Variants in TDRD1 observed in about 807,000 individuals in gnomAD.
TDRD1 encodes tudor domain-containing protein 1.
TDRD1 carries 37 observed loss-of-function variants against 140.6 expected under a neutral mutation model. The ratio of observed to expected loss-of-function variants is 0.26; its 90% CI spans 0.20 to 0.35. The LOEUF (loss-of-function observed/expected upper bound fraction) is 0.35. TDRD1 is among the 10% of genes least tolerant of loss of function. The probability of loss-of-function intolerance (pLI) is 1.00; values close to 1 mark genes in which losing one functional copy is unlikely to be tolerated. For synonymous variants in TDRD1, 506 were observed against 475.7 expected (o/e 1.06, Z -0.83); for missense variants, 1,243 against 1,393.0 (o/e 0.89, Z 1.71).
intron 21 of TDRD1, 148 bp downstream of exon 21, chr10:114,222,851 A>G (rs1158517549): frequency 5.4e-6 from 3 of 559,406 alleles, no homozygotes; most frequent in African/African-American, 1.9e-5. Context: ...GATTTAATTC[A>G]TATGTTGGTC....
chr10:114,193,507 C>T (rs1047170987), intron 3 of TDRD1, among the ~76,000 whole-genome samples: 2 of 151,916 alleles, frequency 1.3e-5, no homozygotes. Context: ...TTGATCAGGC[C>T]GGTCCCGAAC....
At chr10:114,227,716 G>A (rs1287160138) in intron 23 of TDRD1, among the ~76,000 whole-genome samples, 194 bp from the exon 24 acceptor site, 1 of 152,190 alleles carries the variant, frequency 6.6e-6, no homozygotes, top group African/African-American at 2.4e-5. Flanking sequence ...CAAAACCTTG[G>A]AGACATGGGT....
intron 10 of TDRD1, among the ~76,000 whole-genome samples, chr10:114,205,480 T>G (rs1193481740): frequency 6.6e-6 from 1 of 152,228 alleles, no homozygotes; most frequent in East Asian, 1.9e-4. Flanking sequence ...TTGCTATGTT[T>G]CATGTTACAA....
At chr10:114,229,886 A>G (rs746641198) in intron 25 of TDRD1, among the ~76,000 whole-genome samples, 125 of 150,480 alleles carry the variant, frequency 8.3e-4, no homozygotes, top group Non-Finnish European at 1.7e-3. Flanking sequence ...GCTGGAGTGC[A>G]GTGGCGCTAT....
intron 5 of TDRD1, 88 bp from the exon 6 acceptor site, chr10:114,202,150 T>C: frequency 9.8e-7 from 1 of 1,016,262 alleles, no homozygotes; most frequent in Non-Finnish European, 1.4e-6. Flanking sequence ...CAGGATTTTG[T>C]TCATTGAGAA....
chr10:114,199,919 T>G (rs2034617531), intron 4 of TDRD1, among the ~76,000 whole-genome samples: 1 of 152,256 alleles, frequency 6.6e-6, no homozygotes, highest in African/African-American at 2.4e-5. Context: ...TAAACATTTC[T>G]GTACAAGTGT....
chr10:114,221,962 G>A (rs777970093), intron 20 of TDRD1, among the ~76,000 whole-genome samples: 1 of 152,166 alleles, frequency 6.6e-6, no homozygotes, highest in African/African-American at 2.4e-5. Flanking sequence ...TCTCTTAAAT[G>A]TATATGACTT....
rs138005760 is a variant in TDRD1 at position 114,203,427 on chromosome 10, G to A, written c.841G>A (p.Val281Met). ...ATTCAAACACCCAGGGGACTTCTACGTGCAGTTATATTCTTCAGAAGTTTT... is the reference window on the plus strand; with the variant it reads ...ATTCAAACACCCAGGGGACTTCTACATGCAGTTATATTCTTCAGAAGTTTT... The change falls in exon 8 of 26, where the codon GTG (valine) becomes ATG (methionine). Residue 281 changes from valine (V) to methionine (M), a missense_variant. Val to Met is a conservative substitution (Grantham distance 21, BLOSUM62 1). Around this residue, in one of 5 missense-constraint regions of TDRD1, gnomAD observed 392 missense variants for 394.1 expected, o/e 0.99. Transcript: ENST00000251864. 79 of 1,612,732 alleles carry A rather than the reference G, an allele frequency of 4.9e-5. 1 individual carries two copies. In the South Asian group the frequency reaches 7.9e-4, roughly 16 times the overall value.
intron 21 of TDRD1, among the ~76,000 whole-genome samples, chr10:114,225,082 G>C (rs751023001): frequency 5.9e-5 from 9 of 152,130 alleles, no homozygotes; most frequent in Non-Finnish European, 1.0e-4. Flanking sequence ...CAGCTTGCCT[G>C]CCAGTGTTAA....
At chr10:114,177,115 C>T (rs886595428), upstream of TDRD1, among the ~76,000 whole-genome samples, 5 of 151,998 alleles carry the variant, frequency 3.3e-5, no homozygotes, top group Admixed American at 6.6e-5. Context: ...AATAAATATC[C>T]GAGTCCGTTA....
intron 16 of TDRD1, 53 bp from the exon 17 acceptor site, chr10:114,217,492 G>A (rs1241730503): frequency 2.0e-6 from 2 of 1,003,794 alleles, no homozygotes; most frequent in Non-Finnish European, 3.0e-6. Context: ...GAAAATCTGT[G>A]TTGTTTATTT....
chr10:114,216,114 C>T (rs1355113888), intron 16 of TDRD1, among the ~76,000 whole-genome samples: 1 of 152,208 alleles, frequency 6.6e-6, no homozygotes, highest in Non-Finnish European at 1.5e-5. Context: ...ACACCTCACC[C>T]AGCTTCTCCT....
exon 2 of TDRD1, chr10:114,188,151 C>T (rs377374397): frequency 6.4e-7 from 1 of 1,570,632 alleles, no homozygotes; most frequent in Admixed American, 2.0e-5. Flanking sequence ...AAAAAATTGC[C>T]AGCAGGTGAG....
chr10:114,226,280 C>A, intron 22 of TDRD1, 64 bp downstream of exon 22: 1 of 1,193,096 alleles, frequency 8.4e-7, no homozygotes, highest in Non-Finnish European at 1.2e-6. Context: ...CTTTATGTTT[C>A]ATAGCTCTAA....
intron 25 of TDRD1, among the ~76,000 whole-genome samples, chr10:114,229,231 T>G (rs76016972): frequency 0.011 from 1,619 of 152,320 alleles, 20 homozygotes; most frequent in African/African-American, 0.037. Context: ...GTTAACAAAT[T>G]TATATTAAAC....
At chr10:114,183,204 A>G (rs1370187411) in intron 1 of TDRD1, among the ~76,000 whole-genome samples, 2 of 152,192 alleles carry the variant, frequency 1.3e-5, no homozygotes, top group African/African-American at 4.8e-5. Context: ...TTACTAAGTA[A>G]GGACAGTGTT....
intron 11 of TDRD1, among the ~76,000 whole-genome samples, chr10:114,209,301 C>G (rs544705892): frequency 6.6e-6 from 1 of 152,278 alleles, no homozygotes; most frequent in South Asian, 2.1e-4. Context: ...ATCTCCCACT[C>G]CACCTATGTA....
chr10:114,206,047 T>C (rs546635883), intron 10 of TDRD1, among the ~76,000 whole-genome samples, 197 bp from the exon 11 acceptor site: 2 of 152,332 alleles, frequency 1.3e-5, no homozygotes, highest in East Asian at 1.9e-4. Flanking sequence ...GTCAAGTGAC[T>C]ACAGTAATTT....
chr10:114,225,377 A>G (rs980258958), intron 21 of TDRD1, among the ~76,000 whole-genome samples: 1 of 152,094 alleles, frequency 6.6e-6, no homozygotes, highest in Non-Finnish European at 1.5e-5. Context: ...AGCAGCACCA[A>G]TCGTTGAGAC....
Sources: allele counts gnomAD v4.1 joint callset (sites outside exome capture counted in the v4.1 genomes callset), GRCh38; gene constraint gnomAD v4.1.1; regional missense constraint gnomAD v4.1.1; transcripts MANE v1.5; gene names NCBI Gene and HGNC (gene_info 2026-07-23, HGNC 2026-07-21).